KCNIP1: variants seen among roughly 807,000 people sequenced by gnomAD.
KCNIP1 encodes potassium voltage-gated channel interacting protein 1, also known as A-type potassium channel modulatory protein KCNIP1.
In KCNIP1, 18 loss-of-function variants were observed where a neutral mutation model predicts 33.0. That is an observed-to-expected ratio of 0.55 (90% CI 0.38 to 0.81). The LOEUF (loss-of-function observed/expected upper bound fraction) is 0.81, where lower values mean the gene tolerates loss of function less well. KCNIP1 is among the 30% of genes least tolerant of loss of function. The probability of loss-of-function intolerance (pLI) is 0.00; values close to 1 mark genes in which losing one functional copy is unlikely to be tolerated. For missense variants in KCNIP1, 238 were observed against 271.6 expected (o/e 0.88, Z 0.87); for synonymous variants, 93 against 98.3 (o/e 0.95, Z 0.32).
rs191802270 is a variant in KCNIP1 at position 170,698,526 on chromosome 5, G to A, written c.62-20232G>A. ...GAATGTACCTCACTGGTTTTAGGAA[G>A]GTCACATGAGATAGTGCACATGAAG... On this transcript the variant is annotated intron_variant, in intron 1 of 7. Transcript: ENST00000328939. Among the ~76,000 whole-genome samples the A allele has an allele frequency of 2.0e-5, 3 of 152,170 alleles. No homozygotes were observed. In the East Asian group the frequency reaches 5.8e-4, roughly 29 times the overall value.
At chr5:170,675,593 C>T (rs1396568325) in intron 1 of KCNIP1, among the ~76,000 whole-genome samples, 1 of 152,180 alleles carries the variant, frequency 6.6e-6, no homozygotes, top group African/African-American at 2.4e-5. Context: ...TGCACTCCAG[C>T]CTGGCAACAG....
intron 1 of KCNIP1, among the ~76,000 whole-genome samples, chr5:170,437,173 T>C (rs543939361): frequency 7.2e-5 from 11 of 152,338 alleles, no homozygotes; most frequent in Non-Finnish European, 1.3e-4. Flanking sequence ...CGTCTCTGCA[T>C]CTTCATAGAG....
intron 1 of KCNIP1, among the ~76,000 whole-genome samples, chr5:170,478,782 C>T (rs898467867): frequency 2.0e-5 from 3 of 152,116 alleles, no homozygotes; most frequent in African/African-American, 4.8e-5. Flanking sequence ...GATTACAGTT[C>T]GGTAGGATGT....
chr5:170,378,825 T>C (rs1415488482), intron 1 of KCNIP1: 1 of 1,614,202 alleles, frequency 6.2e-7, no homozygotes, highest in Non-Finnish European at 8.5e-7. Flanking sequence ...CTGGGGCCCG[T>C]AGAGGCGCTG....
At position 170,489,957 on chromosome 5, in the gene KCNIP1, AAGG is replaced by A. The variant is rs1209667670; in HGVS notation, c.88+135996_88+135998del. Reference sequence around the variant, plus strand: ...GAATAATGAGCCTGGCAGCTGCAAGAAGGAGATGAGCTCCAGGGTTTGAGGGTT... The same window carrying A: ...GAATAATGAGCCTGGCAGCTGCAAGAAGATGAGCTCCAGGGTTTGAGGGTT... On this transcript the variant is annotated intron_variant, in intron 1 of 7. Transcript: ENST00000377360. The surrounding 1 kb of genome is among the most constrained non-coding windows in gnomAD (Gnocchi z 4.3). Among the ~76,000 whole-genome samples the A allele has an allele frequency of 6.6e-6, 1 of 152,200 alleles. No homozygotes were observed. Among genetic ancestry groups the A allele is most frequent in the Non-Finnish European group, 1.5e-5 (1 of 68,028 alleles).
At chr5:170,705,163 C>A (rs73321327) in intron 1 of KCNIP1, among the ~76,000 whole-genome samples, 4,012 of 152,194 alleles carry the variant, frequency 0.026, 173 homozygotes, top group African/African-American at 0.088. Flanking sequence ...GAGTGAATAA[C>A]CTTTCCCCAA....
chr5:170,589,741 T>C (rs1758142527), intron 1 of KCNIP1, among the ~76,000 whole-genome samples: 1 of 124,132 alleles, frequency 8.1e-6, no homozygotes, highest in African/African-American at 3.6e-5. Flanking sequence ...TGGTGTGGTG[T>C]GGTGTGGTGT....
chr5:170,721,068 G>A (rs959119774), intron 3 of KCNIP1, among the ~76,000 whole-genome samples: 2 of 152,218 alleles, frequency 1.3e-5, no homozygotes, highest in Non-Finnish European at 2.9e-5. Context: ...ATGCCACTTT[G>A]CATCCTGTCA....
At chr5:170,379,080 A>G in intron 1 of KCNIP1, 1 of 1,356,716 alleles carries the variant, frequency 7.4e-7, no homozygotes, top group Non-Finnish European at 1.0e-6. Flanking sequence ...GGGCCCCTGG[A>G]TTGGAGTCGG....
intron 1 of KCNIP1, among the ~76,000 whole-genome samples, chr5:170,571,808 C>A (rs1757420174): frequency 3.3e-5 from 5 of 152,136 alleles, no homozygotes; most frequent in Admixed American, 3.3e-4. Flanking sequence ...GTGGGCCAGA[C>A]AAAGCATGCA....
chr5:170,518,662 G>A (rs930016970), intron 1 of KCNIP1, among the ~76,000 whole-genome samples: 4 of 152,200 alleles, frequency 2.6e-5, no homozygotes, highest in African/African-American at 9.7e-5. Context: ...TGAGCAATTC[G>A]ATAACCTGGC....
At chr5:170,632,287 C>T (rs1287236291) in intron 1 of KCNIP1, among the ~76,000 whole-genome samples, 7 of 152,224 alleles carry the variant, frequency 4.6e-5, no homozygotes, top group Admixed American at 3.3e-4. Flanking sequence ...GTCCCACCAA[C>T]GCCACGTGGA....
At chr5:170,494,043 A>T (rs17745747) in intron 1 of KCNIP1, among the ~76,000 whole-genome samples, 22,151 of 152,118 alleles carry the variant, frequency 0.15, 1,637 homozygotes, top group South Asian at 0.23. Context: ...GACAGCAGAT[A>T]CCCCAGGGAC....
intron 1 of KCNIP1, among the ~76,000 whole-genome samples, chr5:170,706,508 T>C (rs1326261370): frequency 1.3e-5 from 2 of 152,196 alleles, no homozygotes; most frequent in African/African-American, 2.4e-5. Context: ...TCTACCAGCC[T>C]ACCAACGCTA....
At chr5:170,561,197 G>A (rs940101811) in intron 1 of KCNIP1, 14 of 443,972 alleles carry the variant, frequency 3.2e-5, no homozygotes, top group African/African-American at 8.0e-5. Flanking sequence ...TTAATGTGGC[G>A]CACTGACATT....
intron 1 of KCNIP1, among the ~76,000 whole-genome samples, chr5:170,511,211 A>G (rs1156608180): frequency 6.6e-6 from 1 of 152,254 alleles, no homozygotes; most frequent in Non-Finnish European, 1.5e-5. Context: ...TCCGTCTCAA[A>G]AAAAATAAAA....
At chr5:170,447,391 T>C (rs1210609355) in intron 1 of KCNIP1, among the ~76,000 whole-genome samples, 1 of 152,204 alleles carries the variant, frequency 6.6e-6, no homozygotes, top group African/African-American at 2.4e-5. Context: ...AAATGCCACG[T>C]TCCCTCCATT....
At chr5:170,510,862 C>G (rs1408252605) in intron 1 of KCNIP1, among the ~76,000 whole-genome samples, 1 of 152,164 alleles carries the variant, frequency 6.6e-6, no homozygotes, top group African/African-American at 2.4e-5. Context: ...GATTGAACTC[C>G]CTTTCATTGG....
intron 1 of KCNIP1, among the ~76,000 whole-genome samples, chr5:170,356,256 A>G (rs1330349757): frequency 1.3e-5 from 2 of 152,242 alleles, no homozygotes; most frequent in Non-Finnish European, 2.9e-5. Flanking sequence ...GATTTGCAGT[A>G]ATCCAACCCT....
Sources: gnomAD v4.1 joint callset for allele counts (sites outside exome capture counted in the v4.1 genomes callset) on GRCh38, gnomAD v4.1.1 for gene constraint, Gnocchi (gnomAD v3.1) non-coding constraint, MANE v1.5 for transcripts, NCBI Gene and HGNC (gene_info 2026-07-23, HGNC 2026-07-21) for gene names.